E2F8: variants seen among roughly 807,000 people sequenced by gnomAD.
The protein encoded by E2F8 is transcription factor E2F8.
Under a neutral mutation model 80.8 loss-of-function variants are expected in E2F8, and 35 were observed. The ratio of observed to expected loss-of-function variants is 0.43; its 90% CI spans 0.33 to 0.57. E2F8 has a LOEUF of 0.57. Among genes scored for constraint, E2F8 ranks in the 20% least tolerant of loss-of-function variants. E2F8 has a pLI of 0.04. For synonymous variants in E2F8, 386 were observed against 395.0 expected (o/e 0.98, Z 0.27); for missense variants, 975 against 1,056.2 (o/e 0.92, Z 1.07).
At chr11:19,239,419 C>T (rs1851603799) in intron 2 of E2F8, among the ~76,000 whole-genome samples, 2 of 152,166 alleles carry the variant, frequency 1.3e-5, no homozygotes, top group African/African-American at 2.4e-5. Context: ...TCTTATTTGA[C>T]TAACATCTAA....
chr11:19,230,218 A>G (rs764488141), intron 9 of E2F8, 23 bp downstream of exon 9: 19 of 1,601,200 alleles, frequency 1.2e-5, no homozygotes, highest in Middle Eastern at 1.7e-4. Context: ...TCATCCTGTT[A>G]TTAAAGAGGA....
chr11:19,225,509 A>G lies in E2F8; in HGVS notation c.2133T>C (p.Pro711=). Residue 711 remains proline (P), a synonymous_variant, in exon 12 of 13, where the codon CCT becomes CCC. Coordinates refer to ENST00000250024, the MANE Select transcript of E2F8 (RefSeq NM_024680.4). ...MVSPTSVAAV[P]VGNSPALASS... Reference sequence around the variant, plus strand: ...AAGCGAGAGCCGGGCTGTTCCCGACAGGTACGGCTGCCACGGAAGTTGGTG... The same window carrying G: ...AAGCGAGAGCCGGGCTGTTCCCGACGGGTACGGCTGCCACGGAAGTTGGTG... 6.2e-7 allele frequency: 1 copy of G among 1,614,240 alleles called. No homozygotes were observed. The highest frequency in any genetic ancestry group is 1.1e-5 in the South Asian group (1 of 91,086).
intron 10 of E2F8, among the ~76,000 whole-genome samples, chr11:19,226,245 G>A (rs1331153905): frequency 1.3e-5 from 2 of 152,190 alleles, no homozygotes; most frequent in African/African-American, 4.8e-5. Flanking sequence ...TATGTAGAAC[G>A]GTATTTCCCA....
chr11:19,225,387 G>A lies in E2F8; in HGVS notation c.2255C>T (p.Ala752Val), dbSNP rs200748036. ...AGGAACGATTCCAGACCCAGGGCTGGCAGACAACTGCACATTGGGTGAGAT... is the reference window on the plus strand; with the variant it reads ...AGGAACGATTCCAGACCCAGGGCTGACAGACAACTGCACATTGGGTGAGAT... ...GLISPNVQLS[A>V]SPGSGIVPVS... is the part of the protein sequence containing the mutation. Residue 752 changes from alanine (A) to valine (V), a missense_variant, in exon 12 of 13, where the codon GCC becomes GTC. Physicochemically the swap from Ala to Val is moderately conservative, Grantham distance 64 (BLOSUM62 0). Transcript: ENST00000250024. The A allele has an allele frequency of 5.0e-6, 8 of 1,614,056 alleles. No homozygotes were observed. Among genetic ancestry groups the A allele is most frequent in the African/African-American group, 2.7e-5 (2 of 74,916 alleles).
At chr11:19,239,590 T>C (rs1259016392) in intron 2 of E2F8, among the ~76,000 whole-genome samples, 1 of 151,906 alleles carries the variant, frequency 6.6e-6, no homozygotes, top group East Asian at 2.0e-4. Context: ...AAAAATTATC[T>C]TAAAAAGAAA....
intron 4 of E2F8, among the ~76,000 whole-genome samples, chr11:19,237,094 C>A (rs932792700): frequency 3.3e-5 from 5 of 152,228 alleles, no homozygotes; most frequent in African/African-American, 1.2e-4. Context: ...TAGTCAGAAG[C>A]AACCTCCATT....
intron 2 of E2F8, among the ~76,000 whole-genome samples, chr11:19,238,945 C>T (rs764152139): frequency 1.3e-5 from 2 of 152,150 alleles, no homozygotes; most frequent in East Asian, 3.8e-4. Context: ...AGCAGGATAG[C>T]CACTGAGACA....
At chr11:19,224,981 G>A in intron 12 of E2F8, 141 bp from the exon 13 acceptor site, 1 of 1,186,584 alleles carries the variant, frequency 8.4e-7, no homozygotes, top group South Asian at 1.5e-5. Flanking sequence ...GGAAGCTTTG[G>A]TGAGTTTTAC....
Position 19,229,351 on chromosome 11 carries a change from G to A in E2F8, c.1893+103C>T. The stretch of plus-strand genomic sequence containing the variant: ...ATGGGATGCTAAGGAACAGTTCCTT[G>A]TCTTCTGAGAGAATGCTCTTCGGTA... On this transcript the variant is annotated intron_variant, in intron 10 of 12. Transcript: ENST00000250024. This position sits in a 1 kb window ranked among gnomAD's most constrained non-coding sequence, Gnocchi z 4.3. 6.9e-7 allele frequency: 1 copy of A among 1,457,686 alleles called. No individual in the cohort carries two copies. The highest frequency in any genetic ancestry group is 9.2e-7 in the Non-Finnish European group (1 of 1,081,438). The allele number at this position is 1,457,686 out of a possible 1,614,324, so 90.3% of individuals were successfully genotyped here.
intron 3 of E2F8, 92 bp downstream of exon 3, chr11:19,237,762 G>A (rs1851558176): frequency 6.7e-7 from 1 of 1,488,472 alleles, no homozygotes; most frequent in Non-Finnish European, 9.0e-7. Flanking sequence ...GGGTGGTGAT[G>A]CTTTAAATTG....
At chr11:19,236,176 C>A (rs1024888616) in intron 4 of E2F8, among the ~76,000 whole-genome samples, 4 of 152,174 alleles carry the variant, frequency 2.6e-5, no homozygotes, top group Non-Finnish European at 5.9e-5. Flanking sequence ...TTGCTTTGTA[C>A]CGGCTGTTCC....
chr11:19,232,145 G>C (rs1289135227), intron 7 of E2F8, 89 bp downstream of exon 7: 1 of 1,538,676 alleles, frequency 6.5e-7, no homozygotes, highest in Non-Finnish European at 8.8e-7. Context: ...CATGGACACA[G>C]GGAGGGGAAC....
intron 7 of E2F8, among the ~76,000 whole-genome samples, chr11:19,231,775 G>A (rs1226731350): frequency 6.6e-6 from 1 of 152,186 alleles, no homozygotes; most frequent in Non-Finnish European, 1.5e-5. Flanking sequence ...TTGAACACAG[G>A]GTGGGAGGTT....
intron 6 of E2F8, among the ~76,000 whole-genome samples, chr11:19,232,783 C>T (rs141949676): frequency 7.1e-4 from 108 of 152,210 alleles, no homozygotes; most frequent in African/African-American, 2.5e-3. Context: ...CTTGTAATAG[C>T]TTATAACAAA....
At position 19,225,236 on chromosome 11, in the gene E2F8, C is replaced by G. The variant is rs757089934; in HGVS notation, c.2406G>C (p.Val802=). The change falls in exon 12 of 13, where the codon GTG becomes GTC. Residue 802 remains valine, a synonymous_variant. Coordinates refer to ENST00000250024, the MANE Select transcript of E2F8 (RefSeq NM_024680.4). ...QSQPNGQSVA[V]TGAQQPVPVT... Reference sequence around the variant, plus strand: ...AGCCTCTCACCTGTTGTGCCCCTGTCACAGCAACTGATTGTCCATTTGGCT... The same window carrying G: ...AGCCTCTCACCTGTTGTGCCCCTGTGACAGCAACTGATTGTCCATTTGGCT... 6 of 1,613,476 alleles carry G rather than the reference C, an allele frequency of 3.7e-6. No homozygotes were observed. Among genetic ancestry groups the G allele is most frequent in the Middle Eastern group, 1.8e-4 (1 of 5,536 alleles).
intron 10 of E2F8, among the ~76,000 whole-genome samples, chr11:19,227,784 C>G (rs1302104854): frequency 2.0e-5 from 3 of 152,204 alleles, no homozygotes; most frequent in Non-Finnish European, 4.4e-5. Context: ...TCAGGCCATA[C>G]TAAAACGAAA....
chr11:19,231,468 G>A (rs188290111), intron 7 of E2F8, among the ~76,000 whole-genome samples: 131 of 152,288 alleles, frequency 8.6e-4, no homozygotes, highest in African/African-American at 2.7e-3. Flanking sequence ...GTCTCAGGCC[G>A]CAAAGCCAGA....
chr11:19,224,555 G>A lies in E2F8; in HGVS notation c.*103C>T, dbSNP rs1297344249. ...ATTTCACATTGAACAAATCCCCAAC[G>A]TATTTACAGTATTTTCAGAGAATGT... On this transcript the variant is annotated 3_prime_UTR_variant, in exon 13 of 13. Coordinates refer to ENST00000250024, the MANE Select transcript of E2F8 (RefSeq NM_024680.4). The A allele has an allele frequency of 1.7e-6, 2 of 1,167,342 alleles. No individual in the cohort carries two copies. The highest frequency in any genetic ancestry group is 1.2e-6 in the Non-Finnish European group (1 of 831,954). The allele number at this position is 1,167,342 out of a possible 1,614,324, so 72.3% of individuals were successfully genotyped here.
chr11:19,239,486 AC>A (rs2133583339), intron 2 of E2F8, among the ~76,000 whole-genome samples: 2 of 152,082 alleles, frequency 1.3e-5, no homozygotes, highest in Admixed American at 1.3e-4. Flanking sequence ...GTAGTTGGAC[AC>A]CCCCCACAGA....
Sources: gnomAD v4.1 joint callset for allele counts (sites outside exome capture counted in the v4.1 genomes callset) on GRCh38, gnomAD v4.1.1 for gene constraint, Gnocchi (gnomAD v3.1) non-coding constraint, MANE v1.5 for transcripts, NCBI Gene and HGNC (gene_info 2026-07-23, HGNC 2026-07-21) for gene names.